Variants in PABPC3 observed in about 807,000 individuals in gnomAD.
PABPC3 encodes the protein poly(A) binding protein cytoplasmic 3, also known as polyadenylate-binding protein 3.
PABPC3 carries 43 observed loss-of-function variants against 43.0 expected under a neutral mutation model. The ratio of observed to expected loss-of-function variants is 1.00; its 90% CI spans 0.78 to 1.29. The LOEUF (loss-of-function observed/expected upper bound fraction) is 1.29. Ranked by LOEUF, PABPC3 falls within the 50% of genes most tolerant of loss-of-function variation. PABPC3 has a pLI of 0.00. For synonymous variants in PABPC3, 221 were observed against 274.6 expected (o/e 0.80, Z 1.93); for missense variants, 784 against 798.1 (o/e 0.98, Z 0.21).
At position 25,097,016 on chromosome 13, in the gene PABPC3, A is replaced by G; in HGVS notation, c.818A>G (p.Gln273Arg). The change falls in exon 1 of 1, where the codon CAG becomes CGG. Residue 273 changes from glutamine to arginine, a missense_variant. Coordinates refer to ENST00000281589, the MANE Select transcript of PABPC3 (RefSeq NM_030979.3). Reference sequence around the variant, plus strand: ...CGAGCTCAGAAAAAAGTGGAACGGCAGACGGAACTTAAGCGCACATTTGAA... The same window carrying G: ...CGAGCTCAGAAAAAAGTGGAACGGCGGACGGAACTTAAGCGCACATTTGAA... ...VGRAQKKVER[Q>R]TELKRTFEQM... 6.3e-7 allele frequency: 1 copy of G among 1,596,346 alleles called. No homozygotes were observed. The highest frequency in any genetic ancestry group is 8.5e-7 in the Non-Finnish European group (1 of 1,170,252).
At position 25,096,629 on chromosome 13, in the gene PABPC3, A is replaced by C; in HGVS notation, c.431A>C (p.His144Pro). 7.1e-7 allele frequency: 1 copy of C among 1,403,442 alleles called. No individual in the cohort carries two copies. The highest frequency in any genetic ancestry group is 9.4e-7 in the Non-Finnish European group (1 of 1,068,742). 86.9% of individuals were successfully genotyped at this position (1,403,442 alleles called of 1,614,324 possible). Residue 144 changes from histidine to proline, a missense_variant, in exon 1 of 1, where the codon CAC becomes CCC. His to Pro is a moderately conservative substitution (Grantham distance 77, BLOSUM62 -2). Coordinates refer to ENST00000281589, the MANE Select transcript of PABPC3 (RefSeq NM_030979.3). ...GGTTCCAAGGGTTATGGATTTGTAC[A>C]CTTTGAGACACACGAAGCAGCTGAA... ...ENGSKGYGFV[H>P]FETHEAAERA...
Position 25,096,902 on chromosome 13 carries a change from T to G in PABPC3, c.704T>G (p.Phe235Cys), listed in dbSNP as rs759808854. The G allele has an allele frequency of 1.9e-6, 3 of 1,614,278 alleles. No homozygotes were observed. The highest frequency in any genetic ancestry group is 1.1e-5 in the South Asian group (1 of 91,088). ...AGTGGAAAATCCAAAGGATTTGGAT[T>G]TGTAAGCTTTGAAAGGCATGAAGAT... ...DESGKSKGFG[F>C]VSFERHEDAQ... Residue 235 changes from phenylalanine (F) to cysteine (C), a missense_variant, in exon 1 of 1, where the codon TTT becomes TGT. Coordinates refer to ENST00000281589, the MANE Select transcript of PABPC3 (RefSeq NM_030979.3).
Position 25,098,200 on chromosome 13 carries a change from C to A in PABPC3, c.*106C>A. 9.8e-7 allele frequency: 1 copy of A among 1,019,242 alleles called. No individual in the cohort carries two copies. Among genetic ancestry groups the A allele is most frequent in the Non-Finnish European group, 1.5e-6 (1 of 676,796 alleles). 63.1% of individuals were successfully genotyped at this position (1,019,242 alleles called of 1,614,324 possible). Reference sequence around the variant, plus strand: ...ATTGCAAAATCTAAAATAAAAAATGCAAAATCTAAAATAAAAAATGGAAAG... The same window carrying A: ...ATTGCAAAATCTAAAATAAAAAATGAAAAATCTAAAATAAAAAATGGAAAG... On this transcript the variant is annotated 3_prime_UTR_variant, in exon 1 of 1. Coordinates refer to ENST00000281589, the MANE Select transcript of PABPC3 (RefSeq NM_030979.3).
Position 25,097,913 on chromosome 13 carries a change from T to C in PABPC3, c.1715T>C (p.Leu572Pro). Residue 572 changes from leucine (L) to proline (P), a missense_variant, in exon 1 of 1, where the codon CTT becomes CCT. Coordinates refer to ENST00000281589, the MANE Select transcript of PABPC3 (RefSeq NM_030979.3). ...CTTATTCAAGCCATGCACCCTACTC[T>C]TGCTGGGAAAATCACTGGCATGTTG... ...FPLIQAMHPT[L>P]AGKITGMLLE... The C allele has an allele frequency of 6.2e-7, 1 of 1,614,016 alleles. No individual in the cohort carries two copies. Among genetic ancestry groups the C allele is most frequent in the Non-Finnish European group, 8.5e-7 (1 of 1,179,868 alleles).
chr13:25,097,019 CG>C, the PABPC3 span: 1 of 872,342 alleles, frequency 1.1e-6, no homozygotes, highest in Non-Finnish European at 1.3e-6. Flanking sequence ...GAACGGCAGA[CG>C]GAACTTAAGC....
Position 25,096,342 on chromosome 13 carries a change from C to T in PABPC3, c.144C>T (p.Thr48=). Residue 48 remains threonine, a synonymous_variant, in exon 1 of 1, where the codon ACC becomes ACT. Coordinates refer to ENST00000281589, the MANE Select transcript of PABPC3 (RefSeq NM_030979.3). ...LSIRICRDLI[T]SGSSNYAYVN... ...TCCGGATCTGCAGGGACTTGATCAC[C>T]AGCGGCTCCTCCAACTACGCGTATG... is the stretch of plus-strand genomic sequence containing the variant. 6.2e-7 allele frequency: 1 copy of T among 1,614,250 alleles called. No individual in the cohort carries two copies. The highest frequency in any genetic ancestry group is 8.5e-7 in the Non-Finnish European group (1 of 1,180,048).
chr13:25,096,476 T>G lies in PABPC3; in HGVS notation c.278T>G (p.Leu93Arg). The part of the protein sequence containing the change: ...RIMWSQRDPS[L>R]RKSGVGNIFV... ...ATGTGGTCTCAGCGTGATCCATCACTTCGAAAAAGTGGAGTGGGCAACATA... is the reference window on the plus strand; with the variant it reads ...ATGTGGTCTCAGCGTGATCCATCACGTCGAAAAAGTGGAGTGGGCAACATA... The change falls in exon 1 of 1, where the codon CTT becomes CGT. Residue 93 changes from leucine (L) to arginine (R), a missense_variant. Transcript: ENST00000281589. 1 of 1,614,216 alleles carries G rather than the reference T, an allele frequency of 6.2e-7. No homozygotes were observed. Among genetic ancestry groups the G allele is most frequent in the Non-Finnish European group, 8.5e-7 (1 of 1,180,044 alleles).
chr13:25,098,132 C>G lies in PABPC3; in HGVS notation c.*38C>G, dbSNP rs760081170. On this transcript the variant is annotated 3_prime_UTR_variant, in exon 1 of 1. Transcript: ENST00000281589. ...ACCACGAAAAGAAATTTGTGCTTCA[C>G]CGAAGAAAAATATCTAAACATCGAG... 1 of 1,551,292 alleles carries G rather than the reference C, an allele frequency of 6.4e-7. No homozygotes were observed. Among genetic ancestry groups the G allele is most frequent in the South Asian group, 1.2e-5 (1 of 84,910 alleles).
Position 25,096,354 on chromosome 13 carries a change from C to T in PABPC3, c.156C>T (p.Ser52=). ...GGGACTTGATCACCAGCGGCTCCTC[C>T]AACTACGCGTATGTGAACTTCCAGC... The part of the protein sequence containing the change: ...ICRDLITSGS[S]NYAYVNFQHT... The change falls in exon 1 of 1, where the codon TCC becomes TCT. Residue 52 remains serine (S), a synonymous_variant. Transcript: ENST00000281589. 3.7e-6 allele frequency: 6 copies of T among 1,614,224 alleles called. No homozygotes were observed. Among genetic ancestry groups the T allele is most frequent in the Non-Finnish European group, 5.1e-6 (6 of 1,180,042 alleles).
chr13:25,097,710 A>G lies in PABPC3; in HGVS notation c.1512A>G (p.Pro504=). 6.2e-7 allele frequency: 1 copy of G among 1,613,226 alleles called. No individual in the cohort carries two copies. Among genetic ancestry groups the G allele is most frequent in the African/African-American group, 1.3e-5 (1 of 74,754 alleles). ...AAATPAVRTV[P]RYKYAAGVRN... is the part of the protein sequence containing the mutation. ...CTACCCCTGCTGTGCGCACGGTTCC[A>G]CGGTATAAATATGCTGCGGGAGTTC... The change falls in exon 1 of 1, where the codon CCA becomes CCG. Residue 504 remains proline (P), a synonymous_variant. Coordinates refer to ENST00000281589, the MANE Select transcript of PABPC3 (RefSeq NM_030979.3).
chr13:25,097,673 C>T lies in PABPC3; in HGVS notation c.1475C>T (p.Ala492Val). 6.2e-7 allele frequency: 1 copy of T among 1,614,036 alleles called. No homozygotes were observed. The highest frequency in any genetic ancestry group is 8.5e-7 in the Non-Finnish European group (1 of 1,179,980). ...GTGGGTCCACGTCCTGCAGCTGCTG[C>T]TGCTGCTGCAGCTACCCCTGCTGTG... ...QTVGPRPAAA[A>V]AAAATPAVRT... is the part of the protein sequence containing the mutation. The change falls in exon 1 of 1, where the codon GCT becomes GTT. Residue 492 changes from alanine to valine, a missense_variant. Physicochemically the swap from Ala to Val is moderately conservative, Grantham distance 64 (BLOSUM62 0). Transcript: ENST00000281589.
chr13:25,097,170 G>A lies in PABPC3; in HGVS notation c.972G>A (p.Lys324=), dbSNP rs1593653708. The change falls in exon 1 of 1, where the codon AAG becomes AAA. Residue 324 remains lysine, a synonymous_variant. Coordinates refer to ENST00000281589, the MANE Select transcript of PABPC3 (RefSeq NM_030979.3). ...FSPFGTITSA[K]VMMEGGRSKG... is the part of the protein sequence containing the mutation. ...CATTTGGTACAATCACTAGTGCAAAGGTTATGATGGAAGGTGGTCGCAGCA... is the reference window on the plus strand; with the variant it reads ...CATTTGGTACAATCACTAGTGCAAAAGTTATGATGGAAGGTGGTCGCAGCA... 3 of 1,614,252 alleles carry A rather than the reference G, an allele frequency of 1.9e-6. No homozygotes were observed. The highest frequency in any genetic ancestry group is 2.2e-5 in the East Asian group (1 of 44,892).
At position 25,098,570 on chromosome 13, in the gene PABPC3, AAG is replaced by A. The variant is rs1290053584; in HGVS notation, c.*478_*479del. ...TAAAAATTTCTTAAACAGTGAAAAA[AAG>A]AAAAATCATCAATTTTACTAATAGT... is the stretch of plus-strand genomic sequence containing the variant. On this transcript the variant is annotated 3_prime_UTR_variant, in exon 1 of 1. Transcript: ENST00000281589. 1.2e-5 allele frequency: 2 copies of A among 167,948 alleles called. No homozygotes were observed. Among genetic ancestry groups the A allele is most frequent in the Non-Finnish European group, 2.9e-5 (2 of 68,816 alleles). 10.4% of individuals were successfully genotyped at this position (167,948 alleles called of 1,614,324 possible).
Position 25,097,684 on chromosome 13 carries a change from G to C in PABPC3, c.1486G>C (p.Ala496Pro), listed in dbSNP as rs534616731. The C allele has an allele frequency of 1.9e-6, 3 of 1,607,954 alleles. No individual in the cohort carries two copies. The highest frequency in any genetic ancestry group is 2.7e-5 in the African/African-American group (2 of 73,046). The change falls in exon 1 of 1, where the codon GCT (alanine) becomes CCT (proline). Residue 496 changes from alanine to proline, a missense_variant. Coordinates refer to ENST00000281589, the MANE Select transcript of PABPC3 (RefSeq NM_030979.3). ...PRPAAAAAAAATPAVRTVPRY... is the reference protein window; with the variant it reads ...PRPAAAAAAAPTPAVRTVPRY... ...TCCTGCAGCTGCTGCTGCTGCTGCA[G>C]CTACCCCTGCTGTGCGCACGGTTCC...
In PABPC3 at chr13:25,098,787, TA is replaced by T. The variant is rs539181540; in HGVS notation, c.*694del. On this transcript the variant is annotated 3_prime_UTR_variant, in exon 1 of 1. Transcript: ENST00000281589. ...CAAAATTGTAAGACAATTATTAATT[TA>T]TACTGCATTATTTTTAAATAAAAAA... The T allele has an allele frequency of 3.0e-5, 5 of 166,850 alleles. No homozygotes were observed. The East Asian group carries it at 9.6e-4, about 32-fold the overall frequency. 10.3% of individuals were successfully genotyped at this position (166,850 alleles called of 1,614,324 possible). A position where few individuals can be genotyped will look rare whatever the true frequency, so the allele number is the denominator to read the frequency against.
In PABPC3 at chr13:25,097,534, A is replaced by G. The variant is rs78778235; in HGVS notation, c.1336A>G (p.Ser446Gly). 12,636 of 967,440 alleles carry G rather than the reference A, an allele frequency of 0.013. No individual in the cohort carries two copies. Among genetic ancestry groups the G allele is most frequent in the African/African-American group, 0.07 (2,456 of 34,880 alleles). 59.9% of individuals were successfully genotyped at this position (967,440 alleles called of 1,614,324 possible). A position where few individuals can be genotyped will look rare whatever the true frequency, so the allele number is the denominator to read the frequency against. ...ACCTCATCCATTCCAAAATAAGCCC[A>G]GTGCTATCCGCCCAGGTGCTCCTAG... is the stretch of plus-strand genomic sequence containing the variant. ...ARPHPFQNKP[S>G]AIRPGAPRVP... The change falls in exon 1 of 1, where the codon AGT (serine) becomes GGT (glycine). Residue 446 changes from serine (S) to glycine (G), a missense_variant. Coordinates refer to ENST00000281589, the MANE Select transcript of PABPC3 (RefSeq NM_030979.3).
rs200568211 is a variant in PABPC3 at position 25,096,241 on chromosome 13, G to A, written c.43G>A (p.Val15Met). 1.4e-5 allele frequency: 22 copies of A among 1,614,092 alleles called. No individual in the cohort carries two copies. The highest frequency in any genetic ancestry group is 1.9e-5 in the Non-Finnish European group (22 of 1,180,046). ...CAGCTACCCAACGGCCTCGCTCTACGTGGGGGACCTCCACCCCGACGTGAC... is the reference window on the plus strand; with the variant it reads ...CAGCTACCCAACGGCCTCGCTCTACATGGGGGACCTCCACCCCGACGTGAC... ...TPSYPTASLYVGDLHPDVTEA... is the reference protein window; with the variant it reads ...TPSYPTASLYMGDLHPDVTEA... Residue 15 changes from valine to methionine, a missense_variant, in exon 1 of 1, where the codon GTG (valine) becomes ATG (methionine). Val to Met is a conservative substitution (Grantham distance 21). Coordinates refer to ENST00000281589, the MANE Select transcript of PABPC3 (RefSeq NM_030979.3).
Position 25,099,044 on chromosome 13 carries a change from C to T in PABPC3, c.*950C>T, listed in dbSNP as rs1956065686. ...ACCTCTTCCCACCATCCCTCCTCCT[C>T]CTCCCAATATAATTTATCACTACTT... On this transcript the variant is annotated 3_prime_UTR_variant, in exon 1 of 1. Coordinates refer to ENST00000281589, the MANE Select transcript of PABPC3 (RefSeq NM_030979.3). The T allele has an allele frequency of 6.0e-6, 1 of 166,726 alleles. No homozygotes were observed. Among genetic ancestry groups the T allele is most frequent in the South Asian group, 2.1e-4 (1 of 4,812 alleles). 10.3% of individuals were successfully genotyped at this position (166,726 alleles called of 1,614,324 possible).
Position 25,096,147 on chromosome 13 carries a change from T to C in PABPC3, c.-52T>C, listed in dbSNP as rs1300779931. ...CCCCCGGCCCCGGCACGCGCTCTAC[T>C]CCTGTAACGGAAAGGTCGCGGCTTG... On this transcript the variant is annotated 5_prime_UTR_variant, in exon 1 of 1. Coordinates refer to ENST00000281589, the MANE Select transcript of PABPC3 (RefSeq NM_030979.3). 7.7e-6 allele frequency: 12 copies of C among 1,562,572 alleles called. No homozygotes were observed. The African/African-American group carries it at 1.6e-4, about 21-fold the overall frequency.
Sources: allele counts gnomAD v4.1 joint callset, GRCh38; gene constraint gnomAD v4.1.1; transcripts MANE v1.5; gene names NCBI Gene and HGNC (gene_info 2026-07-23, HGNC 2026-07-21).